RHOA: variants seen among roughly 807,000 people sequenced by gnomAD.
RHOA encodes ras homolog family member A.
A neutral mutation model predicts 17.5 loss-of-function variants in RHOA; 3 were observed. The ratio of observed to expected loss-of-function variants is 0.17; its 90% confidence interval spans 0.08 to 0.44. The LOEUF (loss-of-function observed/expected upper bound fraction) is 0.44. RHOA is among the 20% of genes least tolerant of loss of function. The pLI is 0.99. For synonymous variants in RHOA, 98 were observed against 88.4 expected (o/e 1.11, Z -0.61); for missense variants, 56 against 242.3 (o/e 0.23, Z 5.10).
chr3:49,406,804 T>C (rs1194753567), intron 1 of RHOA: 1 of 151,690 alleles, frequency 6.6e-6, no homozygotes, highest in Non-Finnish European at 1.5e-5. Context: ...CAAGACACCA[T>C]CTCTAGTACA....
At chr3:49,364,598 T>C (rs1430423721) in intron 3 of RHOA, among the ~76,000 whole-genome samples, 1 of 143,162 alleles carries the variant, frequency 7.0e-6, no homozygotes, top group South Asian at 2.2e-4. Context: ...GAGGTGGAGG[T>C]TGCAGTGAGC....
chr3:49,367,195 T>C (rs971209861), intron 3 of RHOA, among the ~76,000 whole-genome samples: 1 of 151,484 alleles, frequency 6.6e-6, no homozygotes, highest in Non-Finnish European at 1.5e-5. Flanking sequence ...TACAAAAAAT[T>C]AGCCGGGCGT....
chr3:49,392,229 C>T (rs184701936), intron 1 of RHOA, among the ~76,000 whole-genome samples: 4 of 152,010 alleles, frequency 2.6e-5, no homozygotes, highest in East Asian at 1.9e-4. Context: ...GCCAGGAGCT[C>T]GAGACCAGCC....
At chr3:49,375,215 G>A (rs911654508) in intron 2 of RHOA, among the ~76,000 whole-genome samples, 8 of 151,452 alleles carry the variant, frequency 5.3e-5, no homozygotes, top group Non-Finnish European at 2.9e-5. Flanking sequence ...AGCCAAGACC[G>A]AGCCACTGCA....
At chr3:49,390,506 C>T (rs2048481739) in intron 1 of RHOA, among the ~76,000 whole-genome samples, 1 of 152,054 alleles carries the variant, frequency 6.6e-6, no homozygotes, top group African/African-American at 2.4e-5. Flanking sequence ...ACAGGTAATT[C>T]GCCTGCCTTG....
intron 1 of RHOA, among the ~76,000 whole-genome samples, chr3:49,400,830 G>A (rs529025933): frequency 6.6e-6 from 1 of 151,588 alleles, no homozygotes; most frequent in Non-Finnish European, 1.5e-5. Flanking sequence ...CGGATCACGA[G>A]GTCAGGAGAT....
chr3:49,408,501 T>A (rs1256090797), intron 1 of RHOA, among the ~76,000 whole-genome samples: 5 of 152,196 alleles, frequency 3.3e-5, no homozygotes, highest in African/African-American at 9.7e-5. Flanking sequence ...CTTCAGTGCC[T>A]GATTTTCAGT....
At position 49,360,019 on chromosome 3, in the gene RHOA, C is replaced by T; in HGVS notation, c.*190G>A. The stretch of plus-strand genomic sequence containing the variant: ...GCTGTTAGAGCAGTGTCAAAAGGAC[C>T]CTGGTGGGCCAGACGGGTTGGACAT... On this transcript the variant is annotated 3_prime_UTR_variant, in exon 5 of 5. Transcript: ENST00000418115. 8.4e-6 allele frequency: 5 copies of T among 595,170 alleles called. No homozygotes were observed. Among genetic ancestry groups the T allele is most frequent in the Non-Finnish European group, 1.1e-5 (4 of 358,648 alleles). 36.9% of individuals were successfully genotyped at this position (595,170 alleles called of 1,614,324 possible).
intron 1 of RHOA, among the ~76,000 whole-genome samples, chr3:49,404,020 C>G (rs1186055202): frequency 6.9e-6 from 1 of 145,686 alleles, no homozygotes; most frequent in Admixed American, 7.4e-5. Context: ...TTGAAGATAG[C>G]TGGACTCAGT....
rs999768953 is a variant in RHOA, at chr3:49,362,619, G to A, written c.285C>T (p.Ile95=). ...TGACTTCTGGGGTCCACTTTTCTGG[G>A]ATGTTTTCTGAAAGAAAAATGTAGA... ...SIDSPDSLEN[I]PEKWTPEVKH... The change falls in exon 4 of 5, where the codon ATC becomes ATT. Residue 95 remains isoleucine (I), a synonymous_variant. Transcript: ENST00000418115. The A allele has an allele frequency of 1.9e-6, 3 of 1,609,300 alleles. No homozygotes were observed. The highest frequency in any genetic ancestry group is 1.3e-5 in the African/African-American group (1 of 74,790).
At chr3:49,410,619 A>G (rs2048916174) in intron 1 of RHOA, among the ~76,000 whole-genome samples, 1 of 152,238 alleles carries the variant, frequency 6.6e-6, no homozygotes, top group African/African-American at 2.4e-5. Flanking sequence ...CCAAATGCTC[A>G]AAACAGTATC....
chr3:49,399,239 G>A (rs369115944), intron 1 of RHOA, among the ~76,000 whole-genome samples: 10 of 151,328 alleles, frequency 6.6e-5, no homozygotes, highest in South Asian at 4.2e-4. Flanking sequence ...GCGTGGCGGC[G>A]GGCACCTGTA....
At chr3:49,400,908 T>G (rs942051097) in intron 1 of RHOA, among the ~76,000 whole-genome samples, 2 of 150,892 alleles carry the variant, frequency 1.3e-5, no homozygotes, top group Admixed American at 6.6e-5. Flanking sequence ...TAGCCGGGCA[T>G]AGTGGCGGGC....
chr3:49,399,003 T>C (rs1575279959), intron 1 of RHOA, among the ~76,000 whole-genome samples: 1 of 134,244 alleles, frequency 7.4e-6, no homozygotes, highest in African/African-American at 2.8e-5. Context: ...TGCAGTTAGC[T>C]GAGACTGTGC....
At position 49,402,905 on chromosome 3, in the gene RHOA, C is replaced by T. The variant is rs1232737278; in HGVS notation, c.-3+8915G>A. ...ACAAAAAATTAGCCGGGCGTGGTGG[C>T]GGGTGCCTGTAGTTCCAGCTACTCG... On this transcript the variant is annotated intron_variant, in intron 1 of 4. Transcript: ENST00000418115. 3.3e-5 allele frequency among the ~76,000 whole-genome samples: 5 copies of T among 151,648 alleles called. 1 individual carries two copies. Among genetic ancestry groups the T allele is most frequent in the South Asian group, 4.2e-4 (2 of 4,798 alleles).
intron 1 of RHOA, among the ~76,000 whole-genome samples, chr3:49,379,036 T>C (rs1024962769): frequency 1.3e-5 from 2 of 152,140 alleles, no homozygotes; most frequent in African/African-American, 2.4e-5. Flanking sequence ...TAGGTATATA[T>C]CTAAGAGAAA....
intron 1 of RHOA, among the ~76,000 whole-genome samples, chr3:49,390,854 G>A (rs930261117): frequency 2.6e-5 from 4 of 151,848 alleles, no homozygotes; most frequent in Non-Finnish European, 5.9e-5. Context: ...AAGCTGAGGC[G>A]GGCAGATTAC....
At chr3:49,393,166 G>C (rs2048537800) in intron 1 of RHOA, among the ~76,000 whole-genome samples, 1 of 152,096 alleles carries the variant, frequency 6.6e-6, no homozygotes, top group Admixed American at 6.6e-5. Context: ...GCAAGACTCT[G>C]TCTCAAAAAA....
At chr3:49,371,498 C>T (rs1370749563) in intron 2 of RHOA, among the ~76,000 whole-genome samples, 1 of 152,114 alleles carries the variant, frequency 6.6e-6, no homozygotes, top group Admixed American at 6.6e-5. Context: ...GCAGGCTGGT[C>T]TCAAACTCCT....
Sources: allele counts gnomAD v4.1 joint callset (sites outside exome capture counted in the v4.1 genomes callset), GRCh38; gene constraint gnomAD v4.1.1; transcripts MANE v1.5; gene names NCBI Gene and HGNC (gene_info 2026-07-23, HGNC 2026-07-21).